The following YEATS2 variants were observed in gnomAD, a reference collection of about 807,000 sequenced individuals.
YEATS2 encodes YEATS domain-containing protein 2.
A neutral mutation model predicts 163.2 loss-of-function variants in YEATS2; 77 were observed. That is an observed-to-expected ratio of 0.47 (90% CI 0.39 to 0.57). The LOEUF is 0.57. Ranked by LOEUF, YEATS2 falls within the 20% of genes least tolerant of loss-of-function variation. The pLI is 0.00. For missense variants in YEATS2, 1,549 were observed against 1,729.8 expected, an observed-to-expected ratio of 0.90 and a Z score of 1.85; for synonymous variants, 631 against 645.1, an observed-to-expected ratio of 0.98 and a Z score of 0.33.
chr3:183,785,695 A>G (rs1025638349), intron 19 of YEATS2, among the ~76,000 whole-genome samples: 2 of 152,098 alleles, frequency 1.3e-5, no homozygotes, highest in African/African-American at 2.4e-5. Flanking sequence ...TAATTTGTAA[A>G]TGGTTCTCCA....
At position 183,727,292 on chromosome 3, in the gene YEATS2, T is replaced by A. The variant is rs75267864; in HGVS notation, c.651-1398T>A. ...GAAGACGTAACTACAGATGCTGTAC[T>A]ATTAAAGAGATAAGAAACTATTAAC... On this transcript the variant is annotated intron_variant, in intron 6 of 30. Transcript: ENST00000305135. Among the ~76,000 whole-genome samples the A allele has an allele frequency of 6.4e-4, 98 of 152,338 alleles. 1 individual carries two copies. The East Asian group carries it at 0.018, about 28-fold the overall frequency.
At chr3:183,770,310 T>A (rs950167140) in intron 15 of YEATS2, among the ~76,000 whole-genome samples, 1 of 151,542 alleles carries the variant, frequency 6.6e-6, no homozygotes, top group Non-Finnish European at 1.5e-5. Context: ...CATGAACCCG[T>A]GAGGCGGAGG....
chr3:183,726,495 G>T (rs1263463684), intron 6 of YEATS2, among the ~76,000 whole-genome samples: 1 of 152,108 alleles, frequency 6.6e-6, no homozygotes, highest in Non-Finnish European at 1.5e-5. Flanking sequence ...GGTAGATTAG[G>T]ACGTTATAAA....
At chr3:183,706,296 A>G (rs1714608733) in intron 1 of YEATS2, among the ~76,000 whole-genome samples, 2 of 152,146 alleles carry the variant, frequency 1.3e-5, no homozygotes, top group African/African-American at 4.8e-5. Flanking sequence ...ACCTGTCTGG[A>G]TCTTAAAGAT....
rs886352824 is a variant in YEATS2 at position 183,760,317 on chromosome 3, T to G, written c.1657-1190T>G. On this transcript the variant is annotated intron_variant, in intron 13 of 30. Transcript: ENST00000305135. ...GAATTAAAGAGAAACTACAGAATTTTTTTTTTTTTTTTTTTTTTTTTGAGA... is the reference window on the plus strand; with the variant it reads ...GAATTAAAGAGAAACTACAGAATTTGTTTTTTTTTTTTTTTTTTTTTGAGA... Among the ~76,000 whole-genome samples, 68 of 142,118 alleles carry G rather than the reference T, an allele frequency of 4.8e-4. 2 individuals carry two copies. The highest frequency in any genetic ancestry group is 1.2e-3 in the East Asian group (6 of 4,842). 93.2% of individuals were successfully genotyped at this position (142,118 alleles called of 152,430 possible).
At chr3:183,789,183 T>G (rs974600135) in intron 20 of YEATS2, among the ~76,000 whole-genome samples, 2 of 152,172 alleles carry the variant, frequency 1.3e-5, no homozygotes, top group Non-Finnish European at 2.9e-5. Flanking sequence ...GAGGTACTAC[T>G]CAGGAAATCT....
chr3:183,725,477 T>C (rs895021749), intron 6 of YEATS2, among the ~76,000 whole-genome samples: 8 of 152,028 alleles, frequency 5.3e-5, no homozygotes, highest in Admixed American at 3.3e-4. Context: ...AGAGGTTTGA[T>C]TGACTCACAG....
chr3:183,732,901 C>T (rs1019026173), intron 7 of YEATS2, among the ~76,000 whole-genome samples: 1 of 151,942 alleles, frequency 6.6e-6, no homozygotes, highest in African/African-American at 2.4e-5. Context: ...TGCTCTGGCA[C>T]CCAGGTGGGA....
At chr3:183,771,562 T>C (rs1057132352) in intron 15 of YEATS2, among the ~76,000 whole-genome samples, 1 of 142,048 alleles carries the variant, frequency 7.0e-6, no homozygotes, top group Non-Finnish European at 1.5e-5. Flanking sequence ...TTTTTTTTTT[T>C]TTTCTTTTCT....
At chr3:183,757,600 C>T (rs1720904927) in intron 12 of YEATS2, among the ~76,000 whole-genome samples, 1 of 152,144 alleles carries the variant, frequency 6.6e-6, no homozygotes, top group African/African-American at 2.4e-5. Flanking sequence ...TGTATTTAAA[C>T]ACACGCTCCT....
intron 7 of YEATS2, among the ~76,000 whole-genome samples, chr3:183,733,612 A>G (rs1418094478): frequency 1.3e-5 from 2 of 152,220 alleles, no homozygotes; most frequent in African/African-American, 4.8e-5. Context: ...TATCTAAAGT[A>G]ATTTAACGAA....
intron 7 of YEATS2, 43 bp from the exon 8 acceptor site, chr3:183,736,675 A>G (rs1264647544): frequency 6.7e-7 from 1 of 1,495,934 alleles, no homozygotes; most frequent in South Asian, 1.2e-5. Context: ...GTAGGATGAG[A>G]GAGTGAACAT....
At chr3:183,716,219 A>G (rs924267733) in intron 2 of YEATS2, among the ~76,000 whole-genome samples, 1 of 152,162 alleles carries the variant, frequency 6.6e-6, no homozygotes, top group African/African-American at 2.4e-5. Flanking sequence ...TCGGCGTCCC[A>G]AAGTGCTGGG....
In YEATS2 at chr3:183,748,532, A is replaced by G. The variant is rs371973191; in HGVS notation, c.969+816A>G. On this transcript the variant is annotated intron_variant, in intron 9 of 30. Transcript: ENST00000305135. Reference sequence around the variant, plus strand: ...GTGATCCACCCGCTTTGGCCTCCCAAAGTGCTGGGATTACAGGCGTGAGCC... The same window carrying G: ...GTGATCCACCCGCTTTGGCCTCCCAGAGTGCTGGGATTACAGGCGTGAGCC... Among the ~76,000 whole-genome samples, 3 of 152,150 alleles carry G rather than the reference A, an allele frequency of 2.0e-5. No homozygotes were observed. In the East Asian group the frequency reaches 5.8e-4, roughly 29 times the overall value.
At chr3:183,777,829 G>T (rs1473923369) in intron 19 of YEATS2, 129 bp downstream of exon 19, 7 of 1,297,832 alleles carry the variant, frequency 5.4e-6, no homozygotes, top group Non-Finnish European at 6.2e-6. Flanking sequence ...AAGGCCAGGA[G>T]TGGTCGCTCA....
In YEATS2 at chr3:183,775,982, A is replaced by AGGC. The variant is rs745697570; in HGVS notation, c.2440_2442dup (p.Gly814dup). On this transcript the variant is annotated inframe_insertion, in exon 18 of 31. Transcript: ENST00000305135. ...GAGGAGGAGGAGGAGGAGGAGGAGG[A>AGGC]GGCGGCAGTGGCAGCGGTGGAGGCG... is the stretch of plus-strand genomic sequence containing the variant. 1.6e-5 allele frequency: 22 copies of AGGC among 1,372,558 alleles called. No individual in the cohort carries two copies. Among genetic ancestry groups the AGGC allele is most frequent in the African/African-American group, 1.0e-4 (7 of 69,334 alleles). 85.0% of individuals were successfully genotyped at this position (1,372,558 alleles called of 1,614,324 possible). A position where few individuals can be genotyped will look rare whatever the true frequency, so the allele number is the denominator to read the frequency against.
intron 15 of YEATS2, among the ~76,000 whole-genome samples, chr3:183,764,699 C>T (rs559089104): frequency 7.9e-5 from 12 of 151,968 alleles, no homozygotes; most frequent in African/African-American, 2.7e-4. Flanking sequence ...CCCAGCTACT[C>T]GGGAGGCTGA....
chr3:183,787,560 T>TG (rs2108465240), intron 20 of YEATS2, among the ~76,000 whole-genome samples: 1 of 152,326 alleles, frequency 6.6e-6, no homozygotes, highest in East Asian at 1.9e-4. Context: ...TTTTAATCGT[T>TG]GAAGTGTAGG....
chr3:183,788,768 G>C (rs376975941), intron 20 of YEATS2, among the ~76,000 whole-genome samples: 7 of 152,290 alleles, frequency 4.6e-5, no homozygotes, highest in Admixed American at 6.5e-5. Flanking sequence ...CACCAGCAGT[G>C]TACGAGGGTT....
Sources: gnomAD v4.1 joint callset for allele counts (sites outside exome capture counted in the v4.1 genomes callset) on GRCh38, gnomAD v4.1.1 for gene constraint, MANE v1.5 for transcripts, NCBI Gene and HGNC (gene_info 2026-07-23, HGNC 2026-07-21) for gene names.